HAUS8: variants seen among roughly 807,000 people sequenced by gnomAD.
HAUS8 encodes HAUS augmin-like complex subunit 8.
A neutral mutation model predicts 42.9 loss-of-function variants in HAUS8; 38 were observed. The ratio of observed to expected loss-of-function variants is 0.89; its 90% confidence interval spans 0.68 to 1.16. HAUS8 has a LOEUF of 1.16. Among genes scored for constraint, HAUS8 ranks in the 50% most tolerant of loss-of-function variants. The pLI is 0.00. For synonymous variants in HAUS8, 199 were observed against 205.8 expected (o/e 0.97, Z 0.28); for missense variants, 494 against 511.6 (o/e 0.97, Z 0.33).
At chr19:17,062,898 T>A in intron 3 of HAUS8, 119 bp from the exon 4 acceptor site, 1 of 740,256 alleles carries the variant, frequency 1.4e-6, no homozygotes, top group Non-Finnish European at 2.3e-6. Context: ...GGGAGACATT[T>A]AAAGAGGTTT....
chr19:17,070,047 C>A (rs1180312651), intron 2 of HAUS8, among the ~76,000 whole-genome samples: 1 of 152,136 alleles, frequency 6.6e-6, no homozygotes. Flanking sequence ...CCTCTCTCCA[C>A]CAGATGCTGG....
intron 3 of HAUS8, among the ~76,000 whole-genome samples, chr19:17,068,358 C>T (rs910879072): frequency 6.6e-6 from 1 of 152,072 alleles, no homozygotes; most frequent in Non-Finnish European, 1.5e-5. Flanking sequence ...AAGTGATCCG[C>T]CCACCTCGGC....
chr19:17,069,784 G>A (rs552525741), intron 2 of HAUS8, among the ~76,000 whole-genome samples: 246 of 151,416 alleles, frequency 1.6e-3, no homozygotes, highest in Non-Finnish European at 2.7e-3. Context: ...CACCTCCTAC[G>A]CCAGGCCCAA....
At chr19:17,053,210 C>T (rs1005568766) in intron 9 of HAUS8, 5 of 545,808 alleles carry the variant, frequency 9.2e-6, no homozygotes, top group African/African-American at 7.6e-5. Context: ...TGAAATGTCA[C>T]TCTGGTGTCC....
At chr19:17,062,635 A>C in intron 4 of HAUS8, 63 bp downstream of exon 4, 1 of 1,205,282 alleles carries the variant, frequency 8.3e-7, no homozygotes, top group Non-Finnish European at 1.2e-6. Flanking sequence ...TTAACTTAGC[A>C]CCCATGGAGA....
At chr19:17,053,785 C>G (rs918692192) in intron 9 of HAUS8, 2 of 151,708 alleles carry the variant, frequency 1.3e-5, no homozygotes, top group African/African-American at 4.9e-5. Context: ...GCCTCAGGAT[C>G]CTGAGTAGCT....
Position 17,058,760 on chromosome 19 carries a change from T to C in HAUS8, c.486+51A>G, listed in dbSNP as rs1358634579. 4.4e-6 allele frequency: 7 copies of C among 1,605,852 alleles called. No individual in the cohort carries two copies. In the South Asian group the frequency reaches 7.8e-5, roughly 18 times the overall value. The stretch of plus-strand genomic sequence containing the variant: ...CAGGTGGGGACTCCCTCCCCGTGAA[T>C]GGAGGCCACCCTTCCATCCATGGCA... On this transcript the variant is annotated intron_variant, in intron 7 of 10. Transcript: ENST00000253669.
At chr19:17,058,911 T>C (rs767190210) in intron 6 of HAUS8, 35 bp from the exon 7 acceptor site, 2 of 1,546,024 alleles carry the variant, frequency 1.3e-6, no homozygotes, top group Non-Finnish European at 1.8e-6. Context: ...CAATTCCTGA[T>C]GAAGTGGTAT....
Position 17,066,400 on chromosome 19 carries a change from C to T in HAUS8, c.147+2631G>A, listed in dbSNP as rs2057387442. On this transcript the variant is annotated intron_variant, in intron 3 of 10. Transcript: ENST00000253669. Reference sequence around the variant, plus strand: ...CACCACACTTGGCTCCATCTGTATCCTTTATAATATCCTTTATAATAAACT... The same window carrying T: ...CACCACACTTGGCTCCATCTGTATCTTTTATAATATCCTTTATAATAAACT... Among the ~76,000 whole-genome samples the T allele has an allele frequency of 2.0e-5, 3 of 152,296 alleles. No individual in the cohort carries two copies. The South Asian group carries it at 6.2e-4, about 32-fold the overall frequency.
chr19:17,072,504 G>A (rs959375418), intron 2 of HAUS8, among the ~76,000 whole-genome samples: 4 of 151,738 alleles, frequency 2.6e-5, no homozygotes, highest in East Asian at 1.9e-4. Flanking sequence ...CACCATGGCC[G>A]GCTAATTTTT....
chr19:17,072,716 T>C (rs1377562696), intron 2 of HAUS8, among the ~76,000 whole-genome samples: 1 of 151,888 alleles, frequency 6.6e-6, no homozygotes, highest in Non-Finnish European at 1.5e-5. Flanking sequence ...TGGTGCGATC[T>C]TGGCTCGTGG....
At chr19:17,057,895 A>G (rs1372553145) in intron 8 of HAUS8, among the ~76,000 whole-genome samples, 1 of 152,204 alleles carries the variant, frequency 6.6e-6, no homozygotes, top group Non-Finnish European at 1.5e-5. Context: ...ACAGACACAC[A>G]CAGCAGGGAG....
chr19:17,074,520 A>C (rs1394720419), intron 1 of HAUS8: 1 of 152,384 alleles, frequency 6.6e-6, no homozygotes, highest in Non-Finnish European at 1.5e-5. Flanking sequence ...GGTTTTACAT[A>C]GGTCACCCCC....
At chr19:17,056,128 G>A in intron 8 of HAUS8, 126 bp from the exon 9 acceptor site, 1 of 934,456 alleles carries the variant, frequency 1.1e-6, no homozygotes. Context: ...GGGAATCAGA[G>A]CTCAGGAAGT....
intron 2 of HAUS8, among the ~76,000 whole-genome samples, chr19:17,070,807 C>T (rs185627625): frequency 1.1e-4 from 17 of 152,186 alleles, no homozygotes; most frequent in Admixed American, 2.0e-4. Flanking sequence ...TAGTGGCTCA[C>T]GCCTGTAATC....
chr19:17,058,965 T>A, intron 6 of HAUS8, 89 bp from the exon 7 acceptor site: 1 of 1,024,502 alleles, frequency 9.8e-7, no homozygotes, highest in Non-Finnish European at 1.4e-6. Context: ...CTGGCTTGTG[T>A]GGATTTTCTG....
chr19:17,059,581 A>C lies in HAUS8; in HGVS notation c.396T>G (p.Phe132Leu), dbSNP rs1360401084. ...CCGGGCTCTTTTTCCGAGGGGCAGAAAATGATGTTGACTCAGGTTTCTTTG... is the reference window on the plus strand; with the variant it reads ...CCGGGCTCTTTTTCCGAGGGGCAGACAATGATGTTGACTCAGGTTTCTTTG... ...TISKKPESTS[F>L]SAPRKKSPDL... Residue 132 changes from phenylalanine (F) to leucine (L), a missense_variant, in exon 6 of 11, where the codon TTT becomes TTG. Transcript: ENST00000253669. 3.1e-6 allele frequency: 5 copies of C among 1,613,732 alleles called. No individual in the cohort carries two copies. The highest frequency in any genetic ancestry group is 4.2e-6 in the Non-Finnish European group (5 of 1,179,856).
chr19:17,062,108 A>G (rs985171955), intron 4 of HAUS8, among the ~76,000 whole-genome samples: 1 of 152,232 alleles, frequency 6.6e-6, no homozygotes, highest in African/African-American at 2.4e-5. Context: ...TGTTACAAAC[A>G]GCAGAGCTGA....
chr19:17,066,777 A>C (rs1285748026), intron 3 of HAUS8, among the ~76,000 whole-genome samples: 1 of 152,240 alleles, frequency 6.6e-6, no homozygotes, highest in African/African-American at 2.4e-5. Flanking sequence ...ACGTCTACAC[A>C]GAAAAATACA....
Sources: gnomAD v4.1 joint callset for allele counts (sites outside exome capture counted in the v4.1 genomes callset) on GRCh38, gnomAD v4.1.1 for gene constraint, MANE v1.5 for transcripts, NCBI Gene and HGNC (gene_info 2026-07-23, HGNC 2026-07-21) for gene names.